Variants in DNAH14 observed in about 807,000 individuals in gnomAD.
DNAH14 encodes the protein axonemal beta dynein heavy chain 14.
In DNAH14, 478 loss-of-function variants were observed where a neutral mutation model predicts 520.9. That is an observed-to-expected ratio of 0.92 (90% confidence interval 0.85 to 0.99). DNAH14 has a LOEUF of 0.99. Ranked by LOEUF, DNAH14 falls within the 50% of genes least tolerant of loss-of-function variation. The pLI is 0.00. For synonymous variants in DNAH14, 1,581 were observed against 1,757.2 expected (o/e 0.90, Z 2.51); for missense variants, 4,831 against 5,234.5 (o/e 0.92, Z 2.38).
intron 27 of DNAH14, among the ~76,000 whole-genome samples, chr1:225,136,603 A>T (rs1033991256): frequency 6.6e-6 from 1 of 151,996 alleles, no homozygotes; most frequent in African/African-American, 2.4e-5. Context: ...CATTTTGACC[A>T]TGGAGAATCT....
At chr1:225,367,671 G>A in intron 76 of DNAH14, 134 bp from the exon 77 acceptor site, 1 of 646,556 alleles carries the variant, frequency 1.5e-6, no homozygotes. Context: ...TGAGATTTTG[G>A]ATTTGCCAGT....
At chr1:225,187,531 A>G (rs547220040) in intron 37 of DNAH14, among the ~76,000 whole-genome samples, 1 of 152,026 alleles carries the variant, frequency 6.6e-6, no homozygotes, top group African/African-American at 2.4e-5. Context: ...GTTGGGTCAT[A>G]TGGTAATTCT....
intron 75 of DNAH14, among the ~76,000 whole-genome samples, chr1:225,361,331 T>C (rs2095489870): frequency 6.6e-6 from 1 of 152,252 alleles, no homozygotes; most frequent in Non-Finnish European, 1.5e-5. Context: ...TAGCTCAAAA[T>C]ACTTTTCTAG....
chr1:224,970,291 G>A (rs2501147), intron 7 of DNAH14, among the ~76,000 whole-genome samples: 1 of 151,952 alleles, frequency 6.6e-6, no homozygotes, highest in African/African-American at 2.4e-5. Flanking sequence ...AAATTTTGGT[G>A]AGACCGGTTG....
At chr1:225,223,506 C>A (rs1262494104) in intron 41 of DNAH14, among the ~76,000 whole-genome samples, 1 of 152,040 alleles carries the variant, frequency 6.6e-6, no homozygotes, top group Non-Finnish European at 1.5e-5. Context: ...CATCAAACAC[C>A]CCTTGGAATT....
At chr1:225,287,913 T>C (rs2093784548) in intron 54 of DNAH14, among the ~76,000 whole-genome samples, 1 of 152,098 alleles carries the variant, frequency 6.6e-6, no homozygotes, top group Non-Finnish European at 1.5e-5. Context: ...TAAAGTGGTA[T>C]TAAATAATAA....
chr1:225,324,200 A>G (rs1485954384), intron 62 of DNAH14, 22 bp from the exon 63 acceptor site: 6 of 1,550,610 alleles, frequency 3.9e-6, no homozygotes, highest in South Asian at 1.2e-5. Context: ...CTCATGTAAT[A>G]CATTAACTGT....
At chr1:225,281,055 T>C (rs1189488675) in intron 54 of DNAH14, among the ~76,000 whole-genome samples, 1 of 152,178 alleles carries the variant, frequency 6.6e-6, no homozygotes. Flanking sequence ...CATAGGTAAA[T>C]ATAGGGCCAT....
At chr1:225,238,595 C>T (rs182731154) in intron 42 of DNAH14, among the ~76,000 whole-genome samples, 5 of 152,288 alleles carry the variant, frequency 3.3e-5, no homozygotes, top group Admixed American at 3.3e-4. Flanking sequence ...TCAAGAGGAA[C>T]AGGATCAGGA....
chr1:225,371,898 A>G (rs546440831), intron 77 of DNAH14, among the ~76,000 whole-genome samples: 49 of 152,314 alleles, frequency 3.2e-4, no homozygotes, highest in African/African-American at 1.1e-3. Flanking sequence ...GGGAGAAAAG[A>G]GTCATAACAT....
chr1:224,945,256 CG>C (rs1189850573), intron 1 of DNAH14, among the ~76,000 whole-genome samples: 4 of 152,116 alleles, frequency 2.6e-5, no homozygotes, highest in African/African-American at 9.7e-5. Context: ...TCTTCCATCA[CG>C]GATACTCTTC....
intron 3 of DNAH14, among the ~76,000 whole-genome samples, chr1:224,958,777 C>T (rs1272176336): frequency 2.6e-5 from 4 of 152,044 alleles, no homozygotes; most frequent in Admixed American, 6.6e-5. Context: ...TTCATGAACA[C>T]TGAAGTCATC....
At chr1:225,124,033 G>A (rs2077497189) in intron 27 of DNAH14, among the ~76,000 whole-genome samples, 1 of 152,136 alleles carries the variant, frequency 6.6e-6, no homozygotes, top group Non-Finnish European at 1.5e-5. Context: ...GATTACAGGA[G>A]TGAGCCACCA....
At position 225,324,289 on chromosome 1, in the gene DNAH14, C is replaced by T; in HGVS notation, c.9563C>T (p.Ser3188Phe). 3 of 1,551,854 alleles carry T rather than the reference C, an allele frequency of 1.9e-6. No homozygotes were observed. In the South Asian group the frequency reaches 3.6e-5, roughly 18 times the overall value. The change falls in exon 63 of 86, where the codon TCT becomes TTT. Residue 3188 changes from serine to phenylalanine, a missense_variant. By Grantham distance (155) the Ser-to-Phe change is radical (BLOSUM62 -2). Transcript: ENST00000682510. Reference sequence around the variant, plus strand: ...AACCCACACAAGATTTCGCTGGTTTCTGTTGCTTGTTGCTCCCTGTGCCAG... The same window carrying T: ...AACCCACACAAGATTTCGCTGGTTTTTGTTGCTTGTTGCTCCCTGTGCCAG... ...DFNPHKISLV[S>F]VACCSLCQWV... is the part of the protein sequence containing the mutation.
At chr1:225,095,147 G>A (rs1037736678) in intron 21 of DNAH14, among the ~76,000 whole-genome samples, 6 of 152,070 alleles carry the variant, frequency 3.9e-5, no homozygotes, top group African/African-American at 1.2e-4. Context: ...CCATTATTGA[G>A]TATATACCCA....
At chr1:225,266,511 A>C in intron 48 of DNAH14, 130 bp from the exon 49 acceptor site, 1 of 542,696 alleles carries the variant, frequency 1.8e-6, no homozygotes, top group Non-Finnish European at 2.9e-6. Context: ...ATGTTATTAC[A>C]TATGATTTTG....
chr1:225,390,481 G>T (rs529523320), intron 83 of DNAH14, among the ~76,000 whole-genome samples: 1 of 152,076 alleles, frequency 6.6e-6, no homozygotes, highest in Non-Finnish European at 1.5e-5. Flanking sequence ...ACCTGATACA[G>T]GCCCCAGCAC....
Position 225,335,989 on chromosome 1 carries a change from A to G in DNAH14, c.10081-1277A>G, listed in dbSNP as rs554472282. Among the ~76,000 whole-genome samples the G allele has an allele frequency of 2.0e-3, 272 of 133,560 alleles. 1 individual carries two copies. Among genetic ancestry groups the G allele is most frequent in the African/African-American group, 7.6e-3 (267 of 35,328 alleles). The allele number at this position is 133,560 out of a possible 152,430, so 87.6% of individuals were successfully genotyped here. ...CATATATGTACATATGTGTATATACACACATATGCATATATGTATACGCAT... is the reference window on the plus strand; with the variant it reads ...CATATATGTACATATGTGTATATACGCACATATGCATATATGTATACGCAT... On this transcript the variant is annotated intron_variant, in intron 66 of 85. Coordinates refer to ENST00000682510, the MANE Select transcript of DNAH14 (RefSeq NM_001367479.1).
chr1:225,112,942 A>C (rs2076590756), intron 23 of DNAH14, among the ~76,000 whole-genome samples: 1 of 152,012 alleles, frequency 6.6e-6, no homozygotes, highest in Admixed American at 6.6e-5. Flanking sequence ...TGAATTCTCT[A>C]TCTGAAAAGT....
Sources: gnomAD v4.1 joint callset for allele counts (sites outside exome capture counted in the v4.1 genomes callset) on GRCh38, gnomAD v4.1.1 for gene constraint, MANE v1.5 for transcripts, NCBI Gene and HGNC (gene_info 2026-07-23, HGNC 2026-07-21) for gene names.